Variants in COL15A1 observed in about 807,000 individuals in gnomAD.
The protein encoded by COL15A1 is collagen alpha-1(XV) chain.
Under a neutral mutation model 165.9 loss-of-function variants are expected in COL15A1, and 111 were observed. That is an observed-to-expected ratio of 0.67 (90% CI 0.57 to 0.78). The LOEUF (loss-of-function observed/expected upper bound fraction) is 0.78, where lower values mean the gene tolerates loss of function less well. Among genes scored for constraint, COL15A1 ranks in the 30% least tolerant of loss-of-function variants. COL15A1 has a pLI of 0.00. For missense variants in COL15A1, 1,745 were observed against 1,789.7 expected (o/e 0.98, Z 0.45); for synonymous variants, 659 against 674.8 (o/e 0.98, Z 0.36).
At chr9:99,033,115 C>A (rs75465631) in intron 16 of COL15A1, among the ~76,000 whole-genome samples, 3,974 of 152,256 alleles carry the variant, frequency 0.026, 167 homozygotes, top group African/African-American at 0.092. Flanking sequence ...AAATTGGGAT[C>A]CTGCCTGAGT....
intron 9 of COL15A1, among the ~76,000 whole-genome samples, chr9:99,014,105 G>A (rs972538618): frequency 4.6e-5 from 7 of 152,122 alleles, no homozygotes; most frequent in Admixed American, 1.3e-4. Flanking sequence ...ATGGGAGAAA[G>A]ATCAGAACAA....
intron 2 of COL15A1, among the ~76,000 whole-genome samples, chr9:98,980,724 T>C (rs1838225370): frequency 6.6e-6 from 1 of 152,234 alleles, no homozygotes; most frequent in Non-Finnish European, 1.5e-5. Flanking sequence ...ATCGTTTTCA[T>C]AAAAATTGTA....
At chr9:98,952,635 A>G (rs992763259) in intron 2 of COL15A1, among the ~76,000 whole-genome samples, 1 of 151,636 alleles carries the variant, frequency 6.6e-6, no homozygotes, top group Non-Finnish European at 1.5e-5. Flanking sequence ...AATCCTCCCA[A>G]CTTGGCCTCC....
chr9:99,069,535 C>T (rs1042138472), intron 41 of COL15A1, 138 bp from the exon 42 acceptor site: 1 of 1,103,862 alleles, frequency 9.1e-7, no homozygotes, highest in African/African-American at 1.6e-5. Flanking sequence ...CTAGCAAGGG[C>T]AATGAGGATA....
At chr9:98,950,545 CCTTCCCCTT>C (rs1379335355) in intron 2 of COL15A1, among the ~76,000 whole-genome samples, 1 of 85,602 alleles carries the variant, frequency 1.2e-5, no homozygotes, top group Non-Finnish European at 2.1e-5. Flanking sequence ...CCTTCCCTTC[CCTTCCCCTT>C]CCTTCCTTCC....
At chr9:99,014,073 C>T (rs938666967) in intron 9 of COL15A1, among the ~76,000 whole-genome samples, 1 of 151,886 alleles carries the variant, frequency 6.6e-6, no homozygotes, top group African/African-American at 2.4e-5. Context: ...TTGACCAAGT[C>T]AGGTAGAGCT....
intron 16 of COL15A1, among the ~76,000 whole-genome samples, chr9:99,028,662 A>T (rs1839169284): frequency 6.6e-6 from 1 of 152,068 alleles, no homozygotes; most frequent in Non-Finnish European, 1.5e-5. Context: ...GAAAAAATTG[A>T]AAAAAGATTG....
chr9:99,003,312 C>T (rs1838696280), intron 7 of COL15A1, 141 bp from the exon 8 acceptor site: 1 of 619,460 alleles, frequency 1.6e-6, no homozygotes, highest in South Asian at 4.1e-5. Flanking sequence ...ATTTATGAAA[C>T]CATAGATGTG....
At chr9:98,944,330 C>A in intron 2 of COL15A1, 80 bp downstream of exon 2, 2 of 1,316,274 alleles carry the variant, frequency 1.5e-6, no homozygotes, top group Non-Finnish European at 2.1e-6. Flanking sequence ...GACGCGGCTG[C>A]GATGCGTGCC....
intron 23 of COL15A1, among the ~76,000 whole-genome samples, chr9:99,041,588 G>A (rs1416220064): frequency 1.3e-5 from 2 of 152,196 alleles, no homozygotes; most frequent in Non-Finnish European, 2.9e-5. Context: ...TGATGGTGTG[G>A]GAGATGAGAT....
intron 22 of COL15A1, among the ~76,000 whole-genome samples, chr9:99,040,076 T>C (rs1839374004): frequency 6.6e-6 from 1 of 152,242 alleles, no homozygotes; most frequent in South Asian, 2.1e-4. Context: ...ATTTGATTTC[T>C]ATGAAAACCA....
chr9:98,974,293 G>T (rs1838106756), intron 2 of COL15A1, among the ~76,000 whole-genome samples: 1 of 152,194 alleles, frequency 6.6e-6, no homozygotes. Context: ...GTGGTGAGCT[G>T]CACTGTCCCA....
intron 12 of COL15A1, among the ~76,000 whole-genome samples, chr9:99,021,885 T>C (rs929854224): frequency 2.0e-5 from 3 of 152,242 alleles, no homozygotes; most frequent in Non-Finnish European, 4.4e-5. Flanking sequence ...CCACAGCCTG[T>C]GCCCTCCAAG....
intron 2 of COL15A1, among the ~76,000 whole-genome samples, chr9:98,971,283 A>G (rs937157284): frequency 6.6e-6 from 1 of 152,104 alleles, no homozygotes; most frequent in Non-Finnish European, 1.5e-5. Context: ...CGTGCCCCTG[A>G]CAGGCCCCTT....
chr9:98,973,867 A>G (rs1272304628), intron 2 of COL15A1, among the ~76,000 whole-genome samples: 3 of 152,262 alleles, frequency 2.0e-5, no homozygotes, highest in Non-Finnish European at 4.4e-5. Flanking sequence ...AGGAGGAGGC[A>G]GACGATGAGG....
At position 98,979,137 on chromosome 9, in the gene COL15A1, A is replaced by T. The variant is rs148051228; in HGVS notation, c.101-6428A>T. On this transcript the variant is annotated intron_variant, in intron 2 of 41. Transcript: ENST00000375001. ...TATATTAATCATTCCCAAAGATGGG[A>T]ATTTTAGGTAAATTTAAACCACGAT... is the stretch of plus-strand genomic sequence containing the variant. 4.2e-3 allele frequency among the ~76,000 whole-genome samples: 641 copies of T among 152,252 alleles called. 3 individuals carry two copies. The highest frequency in any genetic ancestry group is 3.8e-3 in the Non-Finnish European group (258 of 68,024).
In COL15A1 at chr9:98,986,063, C is replaced by T; in HGVS notation, c.599C>T (p.Ala200Val). 1 of 1,613,976 alleles carries T rather than the reference C, an allele frequency of 6.2e-7. No individual in the cohort carries two copies. Among genetic ancestry groups the T allele is most frequent in the Non-Finnish European group, 8.5e-7 (1 of 1,180,030 alleles). ...SSQALAFESS[A>V]GIFMGNAGAT... ...CAGGCTTTGGCTTTTGAGTCCAGCG[C>T]TGGAATCTTCATGGGCAATGCAGGA... The change falls in exon 3 of 42, where the codon GCT (alanine) becomes GTT (valine). Residue 200 changes from alanine (A) to valine (V), a missense_variant. Coordinates refer to ENST00000375001, the MANE Select transcript of COL15A1 (RefSeq NM_001855.5).
chr9:99,014,544 T>A (rs1005410661), intron 9 of COL15A1, among the ~76,000 whole-genome samples: 4 of 152,202 alleles, frequency 2.6e-5, no homozygotes, highest in South Asian at 2.1e-4. Context: ...CAAGCTGGTA[T>A]CAAGCACCGA....
At chr9:99,021,963 C>A in intron 12 of COL15A1, 128 bp from the exon 13 acceptor site, 2 of 1,303,364 alleles carry the variant, frequency 1.5e-6, no homozygotes, top group Non-Finnish European at 2.2e-6. Context: ...GCTGTCTCTG[C>A]AAAGGACAAT....
Sources: allele counts gnomAD v4.1 joint callset (sites outside exome capture counted in the v4.1 genomes callset), GRCh38; gene constraint gnomAD v4.1.1; transcripts MANE v1.5; gene names NCBI Gene and HGNC (gene_info 2026-07-23, HGNC 2026-07-21).